Variants in LRRC40 observed in about 807,000 individuals in gnomAD.
LRRC40 encodes leucine-rich repeat-containing protein 40.
Under a neutral mutation model 72.8 loss-of-function variants are expected in LRRC40, and 76 were observed. That is an observed-to-expected ratio of 1.04 (90% CI 0.87 to 1.26). The LOEUF (loss-of-function observed/expected upper bound fraction) is 1.26, where lower values mean the gene tolerates loss of function less well. LRRC40 is among the 50% of genes most tolerant of loss of function. The pLI is 0.00. For synonymous variants in LRRC40, 243 were observed against 254.2 expected (o/e 0.96, Z 0.42); for missense variants, 684 against 698.9 (o/e 0.98, Z 0.24).
chr1:70,149,316 GCAGGAA>G (rs912481439), intron 13 of LRRC40, among the ~76,000 whole-genome samples: 11 of 152,316 alleles, frequency 7.2e-5, no homozygotes, highest in Admixed American at 5.9e-4. Context: ...AGAAGAATGG[GCAGGAA>G]CGAGAGCTTT....
intron 6 of LRRC40, 39 bp from the exon 7 acceptor site, chr1:70,176,021 C>T (rs1668096890): frequency 7.8e-7 from 1 of 1,277,528 alleles, no homozygotes. Context: ...TCTCTGTATT[C>T]AATTTTATAG....
At chr1:70,172,175 G>A (rs1423712810) in intron 9 of LRRC40, among the ~76,000 whole-genome samples, 1 of 152,124 alleles carries the variant, frequency 6.6e-6, no homozygotes, top group Non-Finnish European at 1.5e-5. Context: ...CATGGAGAAG[G>A]TGCCATCTAT....
intron 11 of LRRC40, among the ~76,000 whole-genome samples, chr1:70,155,113 T>C (rs749978613): frequency 1.3e-4 from 20 of 152,158 alleles, no homozygotes; most frequent in Non-Finnish European, 2.2e-4. Context: ...ACTCATAATC[T>C]AAAGATTTTG....
At chr1:70,173,802 A>G in intron 7 of LRRC40, 93 bp from the exon 8 acceptor site, 2 of 602,870 alleles carry the variant, frequency 3.3e-6, no homozygotes, top group Non-Finnish European at 5.7e-6. Context: ...CAAACAACAT[A>G]TCACAGAATA....
At position 70,173,692 on chromosome 1, in the gene LRRC40, C is replaced by A; in HGVS notation, c.995G>T (p.Gly332Val). The A allele has an allele frequency of 6.5e-7, 1 of 1,545,040 alleles. No individual in the cohort carries two copies. The highest frequency in any genetic ancestry group is 1.4e-5 in the African/African-American group (1 of 73,078). ...TGCCAAAAATTTCAAATGAAGGTTC[C>A]CCAATGAATAGGGAAGACTATAAAA... ...NDISSLPYSL[G>V]NLHLKFLALE... Residue 332 changes from glycine to valine, a missense_variant, in exon 8 of 15, where the codon GGG becomes GTG. Transcript: ENST00000370952.
intron 9 of LRRC40, among the ~76,000 whole-genome samples, chr1:70,166,201 T>C (rs1667877059): frequency 6.6e-6 from 1 of 152,024 alleles, no homozygotes; most frequent in South Asian, 2.1e-4. Flanking sequence ...CCTGTACAAA[T>C]ACCAAGAAAA....
At chr1:70,177,200 CGTGAGGCGGAGGTTGCA>C (rs1668127909) in intron 6 of LRRC40, among the ~76,000 whole-genome samples, 1 of 152,042 alleles carries the variant, frequency 6.6e-6, no homozygotes, top group South Asian at 2.1e-4. Flanking sequence ...CACTTGAACT[CGTGAGGCGGAGGTTGCA>C]GTGAGCTGAG....
chr1:70,176,638 G>GT (rs1668112386), intron 6 of LRRC40, among the ~76,000 whole-genome samples: 2 of 150,272 alleles, frequency 1.3e-5, no homozygotes, highest in South Asian at 4.2e-4. Flanking sequence ...AGTAATATCA[G>GT]TTTTTTAAAA....
chr1:70,146,494 A>G (rs1667298889), intron 14 of LRRC40, among the ~76,000 whole-genome samples: 1 of 152,212 alleles, frequency 6.6e-6, no homozygotes, highest in South Asian at 2.1e-4. Flanking sequence ...TGTAAGTACC[A>G]TTAATAGTTC....
intron 9 of LRRC40, among the ~76,000 whole-genome samples, chr1:70,165,190 T>G (rs778269496): frequency 6.6e-6 from 1 of 152,170 alleles, no homozygotes; most frequent in Non-Finnish European, 1.5e-5. Context: ...TAATAACAAT[T>G]TCAGAGTTAT....
intron 9 of LRRC40, among the ~76,000 whole-genome samples, chr1:70,162,582 A>T (rs17131239): frequency 0.038 from 5,804 of 152,320 alleles, 213 homozygotes; most frequent in East Asian, 0.17. Flanking sequence ...CACATGAAAG[A>T]TGATGAACAT....
At chr1:70,179,825 C>T (rs1160267793) in intron 5 of LRRC40, among the ~76,000 whole-genome samples, 1 of 152,042 alleles carries the variant, frequency 6.6e-6, no homozygotes, top group Non-Finnish European at 1.5e-5. Flanking sequence ...AAAATCTTAA[C>T]TATTGGTATC....
intron 9 of LRRC40, among the ~76,000 whole-genome samples, chr1:70,167,185 G>A (rs980410302): frequency 1.3e-4 from 19 of 150,554 alleles, no homozygotes; most frequent in African/African-American, 4.7e-4. Flanking sequence ...GACAGCAAGA[G>A]GAGCTCTGTT....
intron 1 of LRRC40, among the ~76,000 whole-genome samples, chr1:70,201,793 A>C (rs1195529292): frequency 6.6e-6 from 1 of 151,916 alleles, no homozygotes; most frequent in Non-Finnish European, 1.5e-5. Context: ...ACCAACATGG[A>C]GAAACCCCGT....
chr1:70,162,692 C>T (rs1357500205), intron 9 of LRRC40, among the ~76,000 whole-genome samples: 1 of 152,160 alleles, frequency 6.6e-6, no homozygotes, highest in Non-Finnish European at 1.5e-5. Context: ...TTCTACTCTG[C>T]GGCAGTCATT....
chr1:70,159,377 G>A lies in LRRC40; in HGVS notation c.1173C>T (p.Ser391=). 6.3e-7 allele frequency: 1 copy of A among 1,592,746 alleles called. No individual in the cohort carries two copies. The change falls in exon 10 of 15, where the codon TCC becomes TCT. Residue 391 remains serine (S), a synonymous_variant. Transcript: ENST00000370952. Reference sequence around the variant, plus strand: ...TAATGATGGCATGTATATTGACTCTGGATTCACTTGGTAGTGTCATGGCAG... The same window carrying A: ...TAATGATGGCATGTATATTGACTCTAGATTCACTTGGTAGTGTCATGGCAG... The part of the protein sequence containing the change: ...TETAMTLPSE[S]RVNIHAIITL...
At chr1:70,150,721 T>A (rs1667459883) in intron 13 of LRRC40, among the ~76,000 whole-genome samples, 1 of 152,214 alleles carries the variant, frequency 6.6e-6, no homozygotes, top group Non-Finnish European at 1.5e-5. Flanking sequence ...CTTTGTGCCT[T>A]GGCATATGCT....
intron 4 of LRRC40, among the ~76,000 whole-genome samples, chr1:70,182,532 AC>A (rs1216590147): frequency 6.6e-6 from 1 of 152,056 alleles, no homozygotes; most frequent in Non-Finnish European, 1.5e-5. Context: ...AAAGTTACTA[AC>A]AAAAAACTTA....
intron 9 of LRRC40, among the ~76,000 whole-genome samples, chr1:70,171,199 T>C (rs1282103949): frequency 6.6e-6 from 1 of 151,896 alleles, no homozygotes; most frequent in African/African-American, 2.4e-5. Context: ...CATATAAAAG[T>C]AATTCAAAAC....
Sources: allele counts gnomAD v4.1 joint callset (sites outside exome capture counted in the v4.1 genomes callset), GRCh38; gene constraint gnomAD v4.1.1; transcripts MANE v1.5; gene names NCBI Gene and HGNC (gene_info 2026-07-23, HGNC 2026-07-21).